PCDH11X: variants seen among roughly 807,000 people sequenced by gnomAD.
The protein encoded by PCDH11X is protocadherin-11 X-linked.
PCDH11X carries 18 observed loss-of-function variants against 53.3 expected under a neutral mutation model. The ratio of observed to expected loss-of-function variants is 0.34; its 90% confidence interval spans 0.23 to 0.50. PCDH11X has a LOEUF of 0.50. Ranked by LOEUF, PCDH11X falls within the 20% of genes least tolerant of loss-of-function variation. The pLI is 0.98. For missense variants in PCDH11X, 570 were observed against 1,032.4 expected (o/e 0.55, Z 6.14); for synonymous variants, 279 against 393.3 (o/e 0.71, Z 3.44).
At chrX:92,277,173 A>C (rs1421134647) in intron 8 of PCDH11X, among the ~76,000 whole-genome samples, 2 of 110,008 alleles carry the variant, frequency 1.8e-5, no homozygotes, top group Non-Finnish European at 3.8e-5. Context: ...GACTGAGGGG[A>C]CAGGCAGGAG....
rs987158521 is a variant in PCDH11X, at chrX:92,171,037, T to C, written c.3034-30338T>C. On this transcript the variant is annotated intron_variant, in intron 6 of 10. Transcript: ENST00000682573. ...GTTGCCCAGGCTGCTCTCAAAACTT[T>C]TGGCCTCGAGCAATCCTCCTGCCTC... 3.9e-5 allele frequency among the ~76,000 whole-genome samples: 4 copies of C among 102,286 alleles called. No individual in the cohort carries two copies. In the Admixed American group the frequency reaches 4.3e-4, roughly 11 times the overall value. 88.8% of individuals were successfully genotyped at this position (102,286 alleles called of 115,157 possible).
intron 8 of PCDH11X, among the ~76,000 whole-genome samples, chrX:92,384,089 T>G (rs1346557908): frequency 8.9e-6 from 1 of 112,283 alleles, no homozygotes; most frequent in Non-Finnish European, 1.9e-5. Flanking sequence ...ATGATGAGCT[T>G]CTTTTCATGT....
At chrX:91,806,059 T>A (rs1936094843) in intron 1 of PCDH11X, among the ~76,000 whole-genome samples, 1 of 112,315 alleles carries the variant, frequency 8.9e-6, no homozygotes, top group Non-Finnish European at 1.9e-5. Flanking sequence ...AGTTTGCTAG[T>A]CAAACTTGGT....
intron 8 of PCDH11X, among the ~76,000 whole-genome samples, chrX:92,287,285 A>G (rs1244577293): frequency 9.0e-6 from 1 of 111,376 alleles, no homozygotes; most frequent in East Asian, 2.8e-4. Flanking sequence ...CCTGTCATAC[A>G]GGTTTTAAGC....
intron 5 of PCDH11X, among the ~76,000 whole-genome samples, chrX:91,860,231 T>A (rs112537494): frequency 9.2e-6 from 1 of 108,648 alleles, no homozygotes; most frequent in African/African-American, 3.4e-5. Context: ...TGTAGCAATT[T>A]TGAATTGGAG....
intron 7 of PCDH11X, among the ~76,000 whole-genome samples, chrX:92,244,557 G>A (rs907238471): frequency 1.8e-5 from 2 of 111,050 alleles, no homozygotes; most frequent in African/African-American, 3.3e-5. Flanking sequence ...AATAATGATC[G>A]TCATCAAAAT....
intron 6 of PCDH11X, among the ~76,000 whole-genome samples, chrX:91,952,011 A>G (rs934228877): frequency 5.5e-5 from 6 of 110,007 alleles, no homozygotes; most frequent in African/African-American, 2.0e-4. Context: ...CACAAGTGCT[A>G]ATGGTCACCA....
chrX:92,324,687 A>T (rs185844514), intron 8 of PCDH11X, among the ~76,000 whole-genome samples: 1,004 of 96,382 alleles, frequency 0.01, 14 homozygotes, highest in African/African-American at 0.034. Flanking sequence ...CTCTTAAAAA[A>T]CTTTTATTTT....
At chrX:91,787,279 T>G (rs1935364404) in intron 1 of PCDH11X, among the ~76,000 whole-genome samples, 1 of 110,348 alleles carries the variant, frequency 9.1e-6, no homozygotes, top group Non-Finnish European at 1.9e-5. Context: ...GATTTTTAGG[T>G]AGTGTTTTTT....
chrX:91,850,897 C>T (rs957150989), intron 5 of PCDH11X, among the ~76,000 whole-genome samples: 3 of 111,313 alleles, frequency 2.7e-5, no homozygotes, highest in African/African-American at 9.8e-5. Flanking sequence ...TAACTGTATA[C>T]TGTTGAAGCA....
intron 8 of PCDH11X, among the ~76,000 whole-genome samples, chrX:92,331,333 C>CTTCTTCTTCTTCTTCTT (rs1300857539): frequency 1.1e-4 from 9 of 84,930 alleles, no homozygotes; most frequent in African/African-American, 2.3e-4. Flanking sequence ...TCTTCTTCTT[C>CTTCTTCTTCTTCTTCTT]CTTCCTTCCT....
chrX:92,270,129 T>C (rs1194338308), intron 8 of PCDH11X, among the ~76,000 whole-genome samples: 1 of 102,100 alleles, frequency 9.8e-6, no homozygotes, highest in African/African-American at 3.8e-5. Flanking sequence ...TTTTTTTTTC[T>C]TTTTGAGACT....
At chrX:92,497,814 GT>G (rs2073885500) in intron 10 of PCDH11X, among the ~76,000 whole-genome samples, 1 of 110,028 alleles carries the variant, frequency 9.1e-6, no homozygotes, top group Non-Finnish European at 1.9e-5. Flanking sequence ...GAATGATCTT[GT>G]TTACATTAGA....
At chrX:92,128,909 C>T (rs1280546962) in intron 6 of PCDH11X, among the ~76,000 whole-genome samples, 1 of 108,976 alleles carries the variant, frequency 9.2e-6, no homozygotes, top group East Asian at 2.9e-4. Flanking sequence ...CCTAGGAATG[C>T]AAACATATAC....
intron 9 of PCDH11X, among the ~76,000 whole-genome samples, chrX:92,466,903 C>G (rs1198660934): frequency 1.8e-5 from 2 of 109,235 alleles, no homozygotes; most frequent in East Asian, 5.7e-4. Context: ...TATTACTTTT[C>G]TGTTTAAAGC....
intron 4 of PCDH11X, among the ~76,000 whole-genome samples, chrX:91,819,030 A>G (rs983535267): frequency 6.2e-5 from 7 of 112,077 alleles, no homozygotes; most frequent in Admixed American, 4.8e-4. Context: ...GAACTTGTAT[A>G]TTCTTGATTT....
chrX:92,195,112 C>T (rs1049545588), intron 6 of PCDH11X, among the ~76,000 whole-genome samples: 4 of 111,211 alleles, frequency 3.6e-5, no homozygotes, highest in South Asian at 7.5e-4. Flanking sequence ...TTTATAAGAG[C>T]GATACAACCA....
At chrX:92,497,332 G>A (rs1451558926) in intron 10 of PCDH11X, among the ~76,000 whole-genome samples, 2 of 110,955 alleles carry the variant, frequency 1.8e-5, no homozygotes, top group African/African-American at 6.5e-5. Flanking sequence ...AGGTCTTAAA[G>A]GAGCCTGACC....
At chrX:92,232,970 C>T (rs1022815753) in intron 7 of PCDH11X, among the ~76,000 whole-genome samples, 2 of 111,599 alleles carry the variant, frequency 1.8e-5, no homozygotes, top group African/African-American at 6.5e-5. Flanking sequence ...CCACCGCGGC[C>T]TCCCAAAGTG....
Sources: allele counts gnomAD v4.1 joint callset (sites outside exome capture counted in the v4.1 genomes callset), GRCh38; gene constraint gnomAD v4.1.1; transcripts MANE v1.5; gene names NCBI Gene and HGNC (gene_info 2026-07-23, HGNC 2026-07-21).